The following ZBTB20 variants were observed in gnomAD, a reference collection of about 807,000 sequenced individuals.
ZBTB20 encodes the protein zinc finger and BTB domain-containing protein 20.
A neutral mutation model predicts 56.9 loss-of-function variants in ZBTB20; 9 were observed. The observed-to-expected ratio is 0.16, with a 90% confidence interval of 0.10 to 0.28. The LOEUF is 0.28. ZBTB20 is among the 10% of genes least tolerant of loss of function. The pLI, the probability that ZBTB20 is intolerant of heterozygous loss-of-function variation, is 1.00. For missense variants in ZBTB20, 655 were observed against 1,003.0 expected, an observed-to-expected ratio of 0.65 and a Z score of 4.69; for synonymous variants, 417 against 420.7, an observed-to-expected ratio of 0.99 and a Z score of 0.11.
chr3:114,393,034 C>T (rs1434897676), intron 7 of ZBTB20, among the ~76,000 whole-genome samples: 1 of 152,234 alleles, frequency 6.6e-6, no homozygotes, highest in Non-Finnish European at 1.5e-5. Flanking sequence ...CACTGTTACT[C>T]ACCAGAGGAA....
chr3:114,885,239 T>C (rs140365413), intron 4 of ZBTB20, among the ~76,000 whole-genome samples: 42 of 152,338 alleles, frequency 2.8e-4, no homozygotes, highest in Admixed American at 5.9e-4. Context: ...AAACCTTGGA[T>C]GCACAACTCT....
intron 7 of ZBTB20, among the ~76,000 whole-genome samples, chr3:114,471,916 C>T (rs1342218796): frequency 1.3e-5 from 2 of 152,016 alleles, no homozygotes; most frequent in East Asian, 3.9e-4. Flanking sequence ...TAACTAAAGT[C>T]AAGAAGCTGC....
intron 5 of ZBTB20, among the ~76,000 whole-genome samples, chr3:114,790,475 A>G (rs2070868892): frequency 6.6e-6 from 1 of 152,158 alleles, no homozygotes; most frequent in Non-Finnish European, 1.5e-5. Flanking sequence ...CCAGGTTAAC[A>G]GCTATAGATA....
intron 7 of ZBTB20, among the ~76,000 whole-genome samples, chr3:114,424,673 T>C (rs868603110): frequency 6.6e-6 from 1 of 152,102 alleles, no homozygotes; most frequent in Non-Finnish European, 1.5e-5. Flanking sequence ...AGAACCTCCA[T>C]CCCCTGCACG....
At chr3:114,650,622 T>C (rs1310281143) in intron 6 of ZBTB20, among the ~76,000 whole-genome samples, 1 of 151,936 alleles carries the variant, frequency 6.6e-6, no homozygotes, top group Non-Finnish European at 1.5e-5. Context: ...GTAGGCTTTT[T>C]AAAGGTCTTG....
intron 1 of ZBTB20, among the ~76,000 whole-genome samples, chr3:115,096,613 T>G (rs2083388033): frequency 6.6e-6 from 1 of 152,200 alleles, no homozygotes; most frequent in South Asian, 2.1e-4. Context: ...AGATCACTAG[T>G]TAGCAATATT....
intron 7 of ZBTB20, among the ~76,000 whole-genome samples, chr3:114,450,989 T>C (rs1438068761): frequency 6.6e-6 from 1 of 152,136 alleles, no homozygotes; most frequent in Non-Finnish European, 1.5e-5. Context: ...TTCTCTTCCT[T>C]GAATATCCCT....
chr3:114,721,671 G>A (rs2064923649), intron 5 of ZBTB20, among the ~76,000 whole-genome samples: 1 of 152,110 alleles, frequency 6.6e-6, no homozygotes, highest in Admixed American at 6.5e-5. Flanking sequence ...CAGGCAATCT[G>A]ACTCCAGAGC....
chr3:114,389,050 A>G lies in ZBTB20; in HGVS notation c.-199T>C, dbSNP rs1252375590. 1.3e-5 allele frequency: 2 copies of G among 152,202 alleles called. No homozygotes were observed. The highest frequency in any genetic ancestry group is 3.8e-4 in the East Asian group (2 of 5,198). The allele number at this position is 152,202 out of a possible 1,614,324, so 9.4% of individuals were successfully genotyped here. ...TGTCACTCTTCAGGTAAATTACTCCAAGGCTTGGGCCTAGTGCAGATGTTC... is the reference window on the plus strand; with the variant it reads ...TGTCACTCTTCAGGTAAATTACTCCGAGGCTTGGGCCTAGTGCAGATGTTC... On this transcript the variant is annotated 5_prime_UTR_variant, in exon 8 of 12. Coordinates refer to ENST00000675478, the MANE Select transcript of ZBTB20 (RefSeq NM_001348800.3).
chr3:114,944,103 T>C (rs1346812207), intron 3 of ZBTB20, among the ~76,000 whole-genome samples: 2 of 145,424 alleles, frequency 1.4e-5, no homozygotes, highest in Non-Finnish European at 3.0e-5. Flanking sequence ...TTTTAAAAAG[T>C]AACTACCAAC....
At chr3:114,634,631 T>C (rs557252862) in intron 6 of ZBTB20, among the ~76,000 whole-genome samples, 14 of 152,186 alleles carry the variant, frequency 9.2e-5, no homozygotes, top group Non-Finnish European at 2.9e-5. Context: ...AGCTAAGAAA[T>C]AGAGGCACCC....
At chr3:114,397,777 T>A (rs1238995441) in intron 7 of ZBTB20, among the ~76,000 whole-genome samples, 2 of 152,176 alleles carry the variant, frequency 1.3e-5, no homozygotes, top group South Asian at 4.1e-4. Context: ...GCTGGAAGCC[T>A]AATCTTTGTC....
rs74967563 is a variant in ZBTB20 at position 115,135,817 on chromosome 3, G to A, written c.-703+11402C>T. ...TCACTAATATTACAGTGTTTAACTG[G>A]ATAAGACTTCTAAAAACTCAGATAA... On this transcript the variant is annotated intron_variant, in intron 1 of 11. Transcript: ENST00000675478. 2.7e-3 allele frequency among the ~76,000 whole-genome samples: 410 copies of A among 152,078 alleles called. 1 individual carries two copies. Among genetic ancestry groups the A allele is most frequent in the African/African-American group, 9.1e-3 (376 of 41,504 alleles).
intron 1 of ZBTB20, among the ~76,000 whole-genome samples, chr3:115,123,739 C>T (rs568138491): frequency 2.6e-5 from 4 of 152,306 alleles, no homozygotes; most frequent in South Asian, 2.1e-4. Flanking sequence ...TATTTCTCAA[C>T]GGTTATGTAC....
chr3:115,131,337 G>A (rs1008802543), intron 1 of ZBTB20, among the ~76,000 whole-genome samples: 1 of 152,040 alleles, frequency 6.6e-6, no homozygotes, highest in African/African-American at 2.4e-5. Context: ...AAGGATCTTT[G>A]TAATTATTTT....
chr3:114,618,986 T>C (rs965944197), intron 6 of ZBTB20, among the ~76,000 whole-genome samples: 2 of 152,242 alleles, frequency 1.3e-5, no homozygotes, highest in Non-Finnish European at 2.9e-5. Context: ...TCTTTAATTT[T>C]CACAAGTGGA....
chr3:114,800,478 G>T (rs1480220532), intron 5 of ZBTB20, among the ~76,000 whole-genome samples: 1 of 151,898 alleles, frequency 6.6e-6, no homozygotes, highest in Non-Finnish European at 1.5e-5. Flanking sequence ...ATGGGGCTCT[G>T]AGAGACAGCC....
At chr3:115,120,856 T>C (rs1417323454) in intron 1 of ZBTB20, among the ~76,000 whole-genome samples, 1 of 151,894 alleles carries the variant, frequency 6.6e-6, no homozygotes, top group Admixed American at 6.6e-5. Flanking sequence ...AAGAAAAAAG[T>C]GATAAAATGT....
intron 6 of ZBTB20, among the ~76,000 whole-genome samples, chr3:114,612,883 A>G (rs1283886209): frequency 6.6e-6 from 1 of 152,208 alleles, no homozygotes; most frequent in Non-Finnish European, 1.5e-5. Flanking sequence ...ATTTTTGTAG[A>G]TAGAACTTGA....
Sources: gnomAD v4.1 joint callset for allele counts (sites outside exome capture counted in the v4.1 genomes callset) on GRCh38, gnomAD v4.1.1 for gene constraint, MANE v1.5 for transcripts, NCBI Gene and HGNC (gene_info 2026-07-23, HGNC 2026-07-21) for gene names.